NKAIN2: variants seen among roughly 807,000 people sequenced by gnomAD.
NKAIN2 encodes the protein sodium/potassium transporting ATPase interacting 2, also known as sodium/potassium-transporting ATPase subunit beta-1-interacting protein 2.
In NKAIN2, 14 loss-of-function variants were observed where a neutral mutation model predicts 32.6. That is an observed-to-expected ratio of 0.43 (90% CI 0.28 to 0.67). The LOEUF (loss-of-function observed/expected upper bound fraction) is 0.67. NKAIN2 is among the 30% of genes least tolerant of loss of function. NKAIN2 has a pLI of 0.17. For missense variants in NKAIN2, 198 were observed against 258.3 expected (o/e 0.77, Z 1.60); for synonymous variants, 80 against 87.2 (o/e 0.92, Z 0.46).
At chr6:124,443,384 A>C (rs965127677) in intron 3 of NKAIN2, among the ~76,000 whole-genome samples, 1 of 152,160 alleles carries the variant, frequency 6.6e-6, no homozygotes, top group East Asian at 1.9e-4. Context: ...AATAATTAAC[A>C]GTATATTGGA....
intron 1 of NKAIN2, among the ~76,000 whole-genome samples, chr6:124,181,652 G>T (rs879521825): frequency 3.9e-5 from 6 of 152,148 alleles, no homozygotes; most frequent in Non-Finnish European, 7.4e-5. Context: ...CAAGTTCAAA[G>T]TTCCATAAAT....
chr6:124,005,377 C>T (rs1780036855), intron 1 of NKAIN2, among the ~76,000 whole-genome samples: 1 of 152,040 alleles, frequency 6.6e-6, no homozygotes, highest in African/African-American at 2.4e-5. Flanking sequence ...GCATATACCC[C>T]AAACATACTA....
intron 1 of NKAIN2, among the ~76,000 whole-genome samples, chr6:123,926,615 A>G (rs765441931): frequency 2.6e-5 from 4 of 152,112 alleles, no homozygotes; most frequent in Non-Finnish European, 5.9e-5. Context: ...CACTCTTTTC[A>G]TTCTCTCTAG....
At chr6:124,205,582 T>G (rs551318068) in intron 1 of NKAIN2, among the ~76,000 whole-genome samples, 1 of 151,672 alleles carries the variant, frequency 6.6e-6, no homozygotes, top group Non-Finnish European at 1.5e-5. Flanking sequence ...CTTCTCAATT[T>G]TAGAGTCTGC....
In NKAIN2 at chr6:124,515,992, A is replaced by G. The variant is rs562641675; in HGVS notation, c.274-142194A>G. On this transcript the variant is annotated intron_variant, in intron 3 of 6. Transcript: ENST00000368417. Reference sequence around the variant, plus strand: ...GTTTTGGGGGTCACAGCATTTTCATAGTTATGCGATGATTTCTTCAAATTG... The same window carrying G: ...GTTTTGGGGGTCACAGCATTTTCATGGTTATGCGATGATTTCTTCAAATTG... 7.2e-5 allele frequency among the ~76,000 whole-genome samples: 11 copies of G among 152,248 alleles called. No homozygotes were observed. The East Asian group carries it at 2.1e-3, about 29-fold the overall frequency.
intron 5 of NKAIN2, among the ~76,000 whole-genome samples, chr6:124,811,520 G>A (rs964865589): frequency 1.3e-5 from 2 of 152,064 alleles, no homozygotes; most frequent in Non-Finnish European, 2.9e-5. Flanking sequence ...ATCTTACTTG[G>A]TAATTTCTAA....
chr6:124,031,205 A>T (rs913883216), intron 1 of NKAIN2, among the ~76,000 whole-genome samples: 5 of 152,272 alleles, frequency 3.3e-5, no homozygotes, highest in Non-Finnish European at 5.9e-5. Context: ...AGCAGTAACC[A>T]TTCCACTCTG....
intron 1 of NKAIN2, among the ~76,000 whole-genome samples, chr6:124,014,286 A>T (rs537698354): frequency 3.3e-5 from 5 of 152,184 alleles, no homozygotes; most frequent in Non-Finnish European, 7.4e-5. Context: ...CTACAAATAT[A>T]TACTTGCATT....
At position 124,594,780 on chromosome 6, in the gene NKAIN2, G is replaced by A. The variant is rs953209499; in HGVS notation, c.274-63406G>A. 3.3e-5 allele frequency among the ~76,000 whole-genome samples: 5 copies of A among 152,220 alleles called. No individual in the cohort carries two copies. In the South Asian group the frequency reaches 1.0e-3, roughly 32 times the overall value. ...GACAGTGAGGGGATCCAGGCATGGA[G>A]GAGAGGAGGGAAATAACTGACTTAG... On this transcript the variant is annotated intron_variant, in intron 3 of 6. Transcript: ENST00000368417.
intron 1 of NKAIN2, among the ~76,000 whole-genome samples, chr6:124,178,584 A>G (rs969932566): frequency 2.0e-5 from 3 of 152,212 alleles, no homozygotes; most frequent in Non-Finnish European, 4.4e-5. Flanking sequence ...GGCATGAGCC[A>G]CCACACCTGG....
chr6:123,932,434 T>TTTTTTTTTTC (rs1481221049), intron 1 of NKAIN2, among the ~76,000 whole-genome samples: 29 of 91,786 alleles, frequency 3.2e-4, no homozygotes, highest in Non-Finnish European at 5.4e-4. Context: ...TTTTTTTTTT[T>TTTTTTTTTTC]GAGAAAGAGT....
intron 3 of NKAIN2, among the ~76,000 whole-genome samples, chr6:124,629,829 A>T (rs1320434997): frequency 6.6e-6 from 1 of 152,188 alleles, no homozygotes; most frequent in Non-Finnish European, 1.5e-5. Context: ...TTAACTTGAC[A>T]AATGTCAATT....
At chr6:124,356,354 G>A (rs1393491896) in intron 3 of NKAIN2, among the ~76,000 whole-genome samples, 3 of 152,172 alleles carry the variant, frequency 2.0e-5, no homozygotes, top group Non-Finnish European at 2.9e-5. Context: ...CTCATCATGT[G>A]ATGTTTGTTT....
intron 3 of NKAIN2, among the ~76,000 whole-genome samples, chr6:124,379,158 G>GA (rs1362021097): frequency 2.2e-5 from 1 of 45,270 alleles, no homozygotes; most frequent in Non-Finnish European, 4.7e-5. Context: ...AGGGAGGGAG[G>GA]GGAGGGGAGG....
rs867153377 is a variant in NKAIN2, at chr6:124,508,323, G to A, written c.274-149863G>A. On this transcript the variant is annotated intron_variant, in intron 3 of 6. Coordinates refer to ENST00000368417, the MANE Select transcript of NKAIN2 (RefSeq NM_001040214.3). ...CAATTAGTCAGAGAAAATGAAATGA[G>A]CTTGTATTAGTCTTTTTTTTTTCTT... is the stretch of plus-strand genomic sequence containing the variant. Among the ~76,000 whole-genome samples the A allele has an allele frequency of 5.5e-4, 83 of 150,520 alleles. 2 individuals carry two copies. In the Middle Eastern group the frequency reaches 0.014, roughly 25 times the overall value.
At chr6:124,189,052 T>C (rs1340343000) in intron 1 of NKAIN2, among the ~76,000 whole-genome samples, 1 of 152,156 alleles carries the variant, frequency 6.6e-6, no homozygotes, top group Non-Finnish European at 1.5e-5. Context: ...CTGATTTAAA[T>C]GACAGCCACA....
chr6:124,666,134 AAAC>A (rs1172062841), intron 4 of NKAIN2, among the ~76,000 whole-genome samples: 1 of 152,214 alleles, frequency 6.6e-6, no homozygotes, highest in African/African-American at 2.4e-5. Context: ...TGTGTACCAG[AAAC>A]ACAAACCTGC....
chr6:124,223,912 T>C (rs1373325572), intron 1 of NKAIN2, among the ~76,000 whole-genome samples: 1 of 152,190 alleles, frequency 6.6e-6, no homozygotes, highest in African/African-American at 2.4e-5. Flanking sequence ...TGTGTAATCA[T>C]ATCCAGAAAA....
chr6:124,119,158 G>T (rs1272220180), intron 1 of NKAIN2, among the ~76,000 whole-genome samples: 2 of 152,148 alleles, frequency 1.3e-5, no homozygotes, highest in Non-Finnish European at 2.9e-5. Flanking sequence ...TCCCCAACCA[G>T]AAAGTGGTTG....
Sources: gnomAD v4.1 joint callset for allele counts (sites outside exome capture counted in the v4.1 genomes callset) on GRCh38, gnomAD v4.1.1 for gene constraint, MANE v1.5 for transcripts, NCBI Gene and HGNC (gene_info 2026-07-23, HGNC 2026-07-21) for gene names.